The following LIN9 variants were observed in gnomAD, a reference collection of about 807,000 sequenced individuals.
LIN9 encodes the protein lin-9 DREAM MuvB core complex component, also known as protein lin-9 homolog.
A neutral mutation model predicts 78.0 loss-of-function variants in LIN9; 18 were observed. The ratio of observed to expected loss-of-function variants is 0.23; its 90% CI spans 0.16 to 0.34. LIN9 has a LOEUF of 0.34. LIN9 is among the 10% of genes least tolerant of loss of function. The probability of loss-of-function intolerance (pLI) is 1.00; values close to 1 mark genes in which losing one functional copy is unlikely to be tolerated. For synonymous variants in LIN9, 192 were observed against 215.2 expected, an observed-to-expected ratio of 0.89 and a Z score of 0.94; for missense variants, 451 against 644.1, an observed-to-expected ratio of 0.70 and a Z score of 3.25.
At chr1:226,267,565 G>A (rs996940006) in intron 8 of LIN9, among the ~76,000 whole-genome samples, 21 of 151,986 alleles carry the variant, frequency 1.4e-4, no homozygotes, top group Admixed American at 1.1e-3. Context: ...CACCTTGCAT[G>A]CCTCTGAAGA....
intron 6 of LIN9, among the ~76,000 whole-genome samples, chr1:226,281,417 A>C (rs1258056913): frequency 1.1e-5 from 1 of 88,666 alleles, no homozygotes; most frequent in Non-Finnish European, 2.7e-5. Context: ...ATTATAGTTA[A>C]TAATTTATTG....
chr1:226,272,924 ACTGT>A lies in LIN9; in HGVS notation c.683-4838_683-4835del, dbSNP rs139318312. ...TCCCTGGTCCCACTTTCTTTCTCAA[ACTGT>A]CTTTTTCTCAATCCTTTGATTCAGC... On this transcript the variant is annotated intron_variant, in intron 7 of 14. Transcript: ENST00000681046. Among the ~76,000 whole-genome samples, 626 of 151,868 alleles carry A rather than the reference ACTGT, an allele frequency of 4.1e-3. 26 individuals carry two copies. The South Asian group carries it at 0.075, about 18-fold the overall frequency.
chr1:226,263,054 T>C (rs1216246481), intron 10 of LIN9, among the ~76,000 whole-genome samples: 1 of 152,202 alleles, frequency 6.6e-6, no homozygotes, highest in Non-Finnish European at 1.5e-5. Flanking sequence ...ATATACTGTA[T>C]GACTTCAAAT....
intron 7 of LIN9, among the ~76,000 whole-genome samples, chr1:226,271,450 C>A (rs1159709973): frequency 2.0e-5 from 3 of 152,142 alleles, no homozygotes; most frequent in Non-Finnish European, 4.4e-5. Context: ...CAGAGAAATT[C>A]TCTATATGAT....
intron 10 of LIN9, among the ~76,000 whole-genome samples, chr1:226,260,807 G>A (rs905842369): frequency 6.6e-6 from 1 of 151,732 alleles, no homozygotes; most frequent in African/African-American, 2.4e-5. Flanking sequence ...ACCACGCCTG[G>A]CTAATTTTTT....
At chr1:226,271,741 T>C (rs1410079166) in intron 7 of LIN9, among the ~76,000 whole-genome samples, 3 of 152,226 alleles carry the variant, frequency 2.0e-5, no homozygotes, top group Non-Finnish European at 4.4e-5. Flanking sequence ...ATCTCAACTG[T>C]TGCTTTCAAG....
chr1:226,251,511 A>G (rs1658835328), intron 10 of LIN9, among the ~76,000 whole-genome samples: 1 of 152,152 alleles, frequency 6.6e-6, no homozygotes, highest in Non-Finnish European at 1.5e-5. Context: ...TACAGGCATG[A>G]GCCAGGGCAC....
At chr1:226,270,216 G>A (rs1178148485) in intron 7 of LIN9, among the ~76,000 whole-genome samples, 3 of 152,006 alleles carry the variant, frequency 2.0e-5, no homozygotes, top group Non-Finnish European at 4.4e-5. Context: ...GTGAGCCACC[G>A]CACCCAGCCC....
chr1:226,282,040 T>C (rs891757884), intron 6 of LIN9, among the ~76,000 whole-genome samples: 2 of 152,126 alleles, frequency 1.3e-5, no homozygotes, highest in African/African-American at 4.8e-5. Context: ...ACATATACAA[T>C]CAAAAAATGC....
intron 11 of LIN9, among the ~76,000 whole-genome samples, chr1:226,240,976 C>T (rs931144415): frequency 6.6e-6 from 1 of 152,110 alleles, no homozygotes; most frequent in Non-Finnish European, 1.5e-5. Flanking sequence ...TAAGTGGTAA[C>T]CTTGTGGGAT....
At position 226,288,878 on chromosome 1, in the gene LIN9, A is replaced by G. The variant is rs1661546733; in HGVS notation, c.265-1081T>C. ...CAATCCCAGTCAAAATGCCAACAGG[A>G]TTTTTTTTTCCTAGTCAAGTTGATT... On this transcript the variant is annotated intron_variant, in intron 4 of 14. Coordinates refer to ENST00000681046, the MANE Select transcript of LIN9 (RefSeq NM_001366245.2). Among the ~76,000 whole-genome samples the G allele has an allele frequency of 4.0e-5, 6 of 151,896 alleles. No individual in the cohort carries two copies. In the South Asian group the frequency reaches 1.0e-3, roughly 26 times the overall value.
chr1:226,257,362 C>G (rs1161915783), intron 10 of LIN9, among the ~76,000 whole-genome samples: 10 of 152,204 alleles, frequency 6.6e-5, no homozygotes, highest in African/African-American at 2.4e-4. Context: ...AAAATACAAA[C>G]TTTTATTTTC....
Position 226,250,848 on chromosome 1 carries a change from T to C in LIN9, c.1110A>G (p.Ala370=). 2.7e-6 allele frequency: 4 copies of C among 1,507,472 alleles called. No homozygotes were observed. Among genetic ancestry groups the C allele is most frequent in the Non-Finnish European group, 3.6e-6 (4 of 1,098,926 alleles). The allele number at this position is 1,507,472 out of a possible 1,614,324, so 93.4% of individuals were successfully genotyped here. ...AAAGAGAAATTCTTACCAATTTTTC[T>C]GCTTCTGTGTTCATTTCCCTTAATT... ...IKKLREMNTE[A]EKLKSYSMPI... Residue 370 remains alanine (A), a synonymous_variant, in exon 11 of 15, where the codon GCA becomes GCG. Coordinates refer to ENST00000681046, the MANE Select transcript of LIN9 (RefSeq NM_001366245.2).
intron 7 of LIN9, among the ~76,000 whole-genome samples, chr1:226,277,216 G>GAAAAAAAAAAAAAAAAAAAA (rs71168975): frequency 1.1e-5 from 1 of 91,452 alleles, no homozygotes; most frequent in Non-Finnish European, 2.2e-5. Flanking sequence ...GTCTCAAAAA[G>GAAAAAAAAAAAAAAAAAAAA]AAAAAAAAAA....
chr1:226,250,322 C>T (rs190170885), intron 11 of LIN9, among the ~76,000 whole-genome samples: 126 of 152,162 alleles, frequency 8.3e-4, no homozygotes, highest in South Asian at 3.3e-3. Context: ...TATTCTGAAA[C>T]ATTTTTTATA....
intron 10 of LIN9, among the ~76,000 whole-genome samples, chr1:226,260,302 A>C (rs1659482415): frequency 6.6e-6 from 1 of 152,240 alleles, no homozygotes; most frequent in Non-Finnish European, 1.5e-5. Flanking sequence ...TAGAGGATAG[A>C]AGCAGAGGAA....
intron 8 of LIN9, among the ~76,000 whole-genome samples, chr1:226,267,486 C>G (rs1044263839): frequency 5.3e-5 from 8 of 150,104 alleles, no homozygotes; most frequent in Admixed American, 5.3e-4. Context: ...AGATCTAGAG[C>G]CTTGAATAAA....
At chr1:226,250,189 T>C (rs1658743200) in intron 11 of LIN9, among the ~76,000 whole-genome samples, 1 of 151,404 alleles carries the variant, frequency 6.6e-6, no homozygotes, top group Non-Finnish European at 1.5e-5. Context: ...AAAAAAAGAC[T>C]TCTGGTAATT....
rs1662516312 is a variant in LIN9, at chr1:226,301,197, C to T, written c.40G>A (p.Ala14Thr). Residue 14 changes from alanine to threonine, a missense_variant, in exon 2 of 15, where the codon GCA becomes ACA. Coordinates refer to ENST00000681046, the MANE Select transcript of LIN9 (RefSeq NM_001366245.2). ...CCTTTTAAACTGACAAGGGCTTTTG[C>T]TGAAGAGCCTGCAATTAAAAATAAA... ...LDQLPDESSSAKALVSLKEGS... is the reference protein window; with the variant it reads ...LDQLPDESSSTKALVSLKEGS... The T allele has an allele frequency of 6.2e-7, 1 of 1,600,820 alleles. No individual in the cohort carries two copies. Among genetic ancestry groups the T allele is most frequent in the Non-Finnish European group, 8.5e-7 (1 of 1,176,920 alleles).
Sources: gnomAD v4.1 joint callset for allele counts (sites outside exome capture counted in the v4.1 genomes callset) on GRCh38, gnomAD v4.1.1 for gene constraint, MANE v1.5 for transcripts, NCBI Gene and HGNC (gene_info 2026-07-23, HGNC 2026-07-21) for gene names.